Variants in MAST2 observed in about 807,000 individuals in gnomAD.
MAST2 encodes microtubule associated serine/threonine kinase 2.
Under a neutral mutation model 147.4 loss-of-function variants are expected in MAST2, and 70 were observed. That is an observed-to-expected ratio of 0.47 (90% CI 0.39 to 0.58). The LOEUF (loss-of-function observed/expected upper bound fraction) is 0.58, where lower values mean the gene tolerates loss of function less well. Among genes scored for constraint, MAST2 ranks in the 20% least tolerant of loss-of-function variants. The pLI, the probability that MAST2 is intolerant of heterozygous loss-of-function variation, is 0.00. For synonymous variants in MAST2, 869 were observed against 896.8 expected (o/e 0.97, Z 0.55); for missense variants, 2,080 against 2,302.3 (o/e 0.90, Z 1.98).
intron 3 of MAST2, among the ~76,000 whole-genome samples, chr1:45,840,340 A>G (rs745651103): frequency 2.0e-5 from 3 of 152,202 alleles, no homozygotes; most frequent in Non-Finnish European, 4.4e-5. Context: ...CTGTGGGTTT[A>G]CCCGTTAATT....
chr1:45,812,119 T>C (rs908994577), intron 1 of MAST2, among the ~76,000 whole-genome samples: 2 of 152,264 alleles, frequency 1.3e-5, no homozygotes, highest in East Asian at 1.9e-4. Flanking sequence ...CTCTGGCAAC[T>C]GTGTGGAGGA....
chr1:45,864,576 TACAG>T (rs1182554153), intron 3 of MAST2, among the ~76,000 whole-genome samples: 19 of 152,324 alleles, frequency 1.2e-4, no homozygotes, highest in Middle Eastern at 6.8e-3. Flanking sequence ...GAGTCTAAAA[TACAG>T]GCATCAGAAT....
At chr1:45,811,936 A>G (rs371475562) in intron 1 of MAST2, among the ~76,000 whole-genome samples, 7 of 151,538 alleles carry the variant, frequency 4.6e-5, no homozygotes, top group Admixed American at 1.3e-4. Flanking sequence ...GCCTGGCCTA[A>G]TTTTTGTATT....
intron 3 of MAST2, among the ~76,000 whole-genome samples, chr1:45,840,109 C>G (rs1320809751): frequency 6.6e-6 from 1 of 152,030 alleles, no homozygotes; most frequent in Non-Finnish European, 1.5e-5. Flanking sequence ...AAAAAATTGG[C>G]TTTTATCAGA....
intron 1 of MAST2, among the ~76,000 whole-genome samples, chr1:45,817,522 A>G (rs146936038): frequency 6.6e-6 from 1 of 152,340 alleles, no homozygotes; most frequent in Non-Finnish European, 1.5e-5. Flanking sequence ...ACTTCATAAG[A>G]CAGAGAAGTC....
At chr1:45,958,517 CCTCT>C (rs58533086) in intron 4 of MAST2, among the ~76,000 whole-genome samples, 20 of 149,210 alleles carry the variant, frequency 1.3e-4, no homozygotes, top group African/African-American at 2.9e-4. Context: ...TCCCTCCCTC[CCTCT>C]CTCTCTCTCT....
chr1:45,872,185 A>G (rs1195116600), intron 3 of MAST2, among the ~76,000 whole-genome samples: 1 of 152,124 alleles, frequency 6.6e-6, no homozygotes, highest in Non-Finnish European at 1.5e-5. Flanking sequence ...CAATATACGT[A>G]TAGTGTGAGA....
chr1:45,960,221 T>C (rs1470987059), intron 5 of MAST2, among the ~76,000 whole-genome samples: 1 of 152,162 alleles, frequency 6.6e-6, no homozygotes, highest in Non-Finnish European at 1.5e-5. Flanking sequence ...ATAAAAATTA[T>C]GAGGCAGCTG....
chr1:46,008,279 A>C lies in MAST2; in HGVS notation c.903-17A>C. On this transcript the variant is annotated splice_polypyrimidine_tract_variant and intron_variant, in intron 8 of 28. Coordinates refer to ENST00000361297, the MANE Select transcript of MAST2 (RefSeq NM_015112.3). ...TCCATAGCACTAAAGTAACACAATC[A>C]TTTCTTTCTTTTTTAGTCCCGGACG... is the stretch of plus-strand genomic sequence containing the variant. The C allele has an allele frequency of 6.3e-7, 1 of 1,581,202 alleles. No individual in the cohort carries two copies. Among genetic ancestry groups the C allele is most frequent in the Non-Finnish European group, 8.7e-7 (1 of 1,150,252 alleles).
chr1:46,031,721 A>G lies in MAST2; in HGVS notation c.3187+136A>G. 3.4e-6 allele frequency: 3 copies of G among 876,636 alleles called. No individual in the cohort carries two copies. The highest frequency in any genetic ancestry group is 2.7e-5 in the Admixed American group (1 of 36,434). The allele number at this position is 876,636 out of a possible 1,614,324, so 54.3% of individuals were successfully genotyped here. The stretch of plus-strand genomic sequence containing the variant: ...CTGACTGTGGTCTCTGAAGGTGTGT[A>G]TTGGTGTCTGGGGTTGTGTATACAT... On this transcript the variant is annotated intron_variant, in intron 24 of 28. Coordinates refer to ENST00000361297, the MANE Select transcript of MAST2 (RefSeq NM_015112.3). The surrounding 1 kb of genome is among the most constrained non-coding windows in gnomAD (Gnocchi z 4.1).
At chr1:45,839,214 C>T (rs1045380987) in intron 3 of MAST2, among the ~76,000 whole-genome samples, 11 of 151,390 alleles carry the variant, frequency 7.3e-5, no homozygotes, top group South Asian at 2.1e-4. Flanking sequence ...CTGCGACCTC[C>T]GCCTCCCGGG....
chr1:45,931,377 GT>G (rs71587091), intron 4 of MAST2, among the ~76,000 whole-genome samples: 126 of 101,206 alleles, frequency 1.2e-3, no homozygotes, highest in Admixed American at 2.5e-3. Context: ...ATTGTGTTCT[GT>G]TTTTTTTTTT....
chr1:46,016,820 A>G (rs1571222491), intron 10 of MAST2, among the ~76,000 whole-genome samples: 1 of 152,288 alleles, frequency 6.6e-6, no homozygotes, highest in African/African-American at 2.4e-5. Context: ...ATTAGAAAAA[A>G]CTACTTTAAA....
At chr1:45,804,633 C>G (rs962183870) in intron 1 of MAST2, among the ~76,000 whole-genome samples, 1 of 152,110 alleles carries the variant, frequency 6.6e-6, no homozygotes, top group African/African-American at 2.4e-5. Context: ...AGTGTTAAGC[C>G]CAATTTTGTG....
intron 5 of MAST2, among the ~76,000 whole-genome samples, chr1:45,980,587 T>C (rs915871403): frequency 1.3e-5 from 2 of 152,222 alleles, no homozygotes. Flanking sequence ...TAGGCTGTAG[T>C]GTAGTGGCAT....
chr1:45,933,490 A>G (rs1167435490), intron 4 of MAST2, among the ~76,000 whole-genome samples: 2 of 151,406 alleles, frequency 1.3e-5, no homozygotes, highest in African/African-American at 4.9e-5. Context: ...CTTTAATCCT[A>G]GCACTTTGGG....
chr1:46,020,889 G>C (rs78279718), intron 11 of MAST2, among the ~76,000 whole-genome samples: 3 of 152,150 alleles, frequency 2.0e-5, no homozygotes, highest in Non-Finnish European at 4.4e-5. Context: ...ATTTATTTCT[G>C]TGTAAATATT....
chr1:45,829,389 G>T (rs1035189098), intron 2 of MAST2, 50 bp from the exon 3 acceptor site: 17 of 1,509,500 alleles, frequency 1.1e-5, no homozygotes, highest in Admixed American at 9.4e-5. Flanking sequence ...TTTTTCATTT[G>T]TTTATCAATA....
intron 7 of MAST2, among the ~76,000 whole-genome samples, chr1:46,003,830 G>A (rs1391748558): frequency 6.6e-6 from 1 of 152,142 alleles, no homozygotes; most frequent in Non-Finnish European, 1.5e-5. Context: ...AGAGCCCAAC[G>A]TGGAGTAAAT....
Sources: allele counts gnomAD v4.1 joint callset (sites outside exome capture counted in the v4.1 genomes callset), GRCh38; gene constraint gnomAD v4.1.1; non-coding constraint Gnocchi (gnomAD v3.1); transcripts MANE v1.5; gene names NCBI Gene and HGNC (gene_info 2026-07-23, HGNC 2026-07-21).